The following KLHL12 variants were observed in gnomAD, a reference collection of about 807,000 sequenced individuals.
KLHL12 encodes the protein kelch like family member 12.
KLHL12 carries 17 observed loss-of-function variants against 60.8 expected under a neutral mutation model. The ratio of observed to expected loss-of-function variants is 0.28; its 90% CI spans 0.19 to 0.42. The LOEUF is 0.42. Ranked by LOEUF, KLHL12 falls within the 10% of genes least tolerant of loss-of-function variation. The pLI, the probability that KLHL12 is intolerant of heterozygous loss-of-function variation, is 1.00. For missense variants in KLHL12, 468 were observed against 722.3 expected (o/e 0.65, Z 4.04); for synonymous variants, 220 against 250.9 (o/e 0.88, Z 1.16).
chr1:202,922,264 T>C (rs1229735960), intron 2 of KLHL12, among the ~76,000 whole-genome samples: 1 of 135,852 alleles, frequency 7.4e-6, no homozygotes, highest in African/African-American at 2.6e-5. Flanking sequence ...TCTGATATTA[T>C]TACTATCTAA....
chr1:202,912,443 G>C, intron 4 of KLHL12: 4 of 844,438 alleles, frequency 4.7e-6, no homozygotes, highest in South Asian at 3.9e-5. Flanking sequence ...AGGTGGTTTC[G>C]GTTGGCATGA....
chr1:202,906,612 A>G (rs977541128), intron 6 of KLHL12, among the ~76,000 whole-genome samples: 3 of 152,126 alleles, frequency 2.0e-5, no homozygotes, highest in African/African-American at 7.2e-5. Flanking sequence ...TCAACTGTAC[A>G]TGTAAAAATG....
intron 2 of KLHL12, among the ~76,000 whole-genome samples, chr1:202,920,472 G>A (rs1660658157): frequency 7.6e-6 from 1 of 132,196 alleles, no homozygotes. Flanking sequence ...CACCTCCTGG[G>A]TTCATGCCAT....
In KLHL12 at chr1:202,927,130, A is replaced by AGCCTGTGG; in HGVS notation, c.-95_-88dup. ...ACACAGCCGCACCGGGCCCGTCCCC[A>AGCCTGTGG]GCCTGTGGGGATGGAGTGCGGCGCG... On this transcript the variant is annotated 5_prime_UTR_variant, in exon 1 of 12. Transcript: ENST00000367261. 1.0e-6 allele frequency: 1 copy of AGCCTGTGG among 985,332 alleles called. No homozygotes were observed. The highest frequency in any genetic ancestry group is 1.2e-6 in the Non-Finnish European group (1 of 829,954). The allele number at this position is 985,332 out of a possible 1,614,324, so 61.0% of individuals were successfully genotyped here. A position where few individuals can be genotyped will look rare whatever the true frequency, so the allele number is the denominator to read the frequency against.
intron 6 of KLHL12, among the ~76,000 whole-genome samples, chr1:202,900,717 A>G (rs1030912869): frequency 6.6e-6 from 1 of 152,196 alleles, no homozygotes; most frequent in Non-Finnish European, 1.5e-5. Flanking sequence ...TACAAAAATT[A>G]GCCAGGTGTG....
intron 4 of KLHL12, chr1:202,912,079 G>C (rs1186007843): frequency 2.5e-6 from 2 of 795,732 alleles, no homozygotes; most frequent in Admixed American, 3.4e-5. Flanking sequence ...ACCAAAGAGA[G>C]CTGTTTCAAG....
chr1:202,927,661 G>C (rs985014386), upstream of KLHL12, among the ~76,000 whole-genome samples: 14 of 107,206 alleles, frequency 1.3e-4, no homozygotes, highest in Non-Finnish European at 2.3e-4. Context: ...CTGGGCCACA[G>C]AATGAGACCC....
intron 6 of KLHL12, among the ~76,000 whole-genome samples, chr1:202,905,948 G>A (rs1357493862): frequency 3.5e-5 from 5 of 142,828 alleles, no homozygotes; most frequent in Non-Finnish European, 7.5e-5. Flanking sequence ...TGAACTACAG[G>A]TGCCCGCCAC....
Position 202,892,743 on chromosome 1 carries a change from G to A in KLHL12, c.1581-84C>T, listed in dbSNP as rs11806328. On this transcript the variant is annotated intron_variant, in intron 11 of 11. Coordinates refer to ENST00000367261, the MANE Select transcript of KLHL12 (RefSeq NM_021633.4). ...TGTAATCCCAACTATGCAGGAGGCT[G>A]AGGTAAGAGGATTGCTTAAGCCCAG... 3.9e-4 allele frequency: 560 copies of A among 1,442,544 alleles called. 3 individuals are homozygous for A. The African/African-American group carries it at 7.0e-3, about 18-fold the overall frequency. The allele number at this position is 1,442,544 out of a possible 1,614,324, so 89.4% of individuals were successfully genotyped here.
Position 202,911,111 on chromosome 1 carries a change from C to T in KLHL12, c.660G>A (p.Gln220=). Residue 220 remains glutamine (Q), a synonymous_variant, in exon 5 of 12, where the codon CAG becomes CAA. Coordinates refer to ENST00000367261, the MANE Select transcript of KLHL12 (RefSeq NM_021633.4). ...EREESLPNLL[Q]YVRMPLLTPR... The stretch of plus-strand genomic sequence containing the variant: ...GGGTTAGTAGGGGCATCCGCACATA[C>T]TGTAGCAGGTTAGGCAAGGATTCTT... The T allele has an allele frequency of 6.2e-7, 1 of 1,614,144 alleles. No individual in the cohort carries two copies. The highest frequency in any genetic ancestry group is 8.5e-7 in the Non-Finnish European group (1 of 1,180,018).
chr1:202,927,287 C>T (rs1490657235), upstream of KLHL12: 1 of 923,506 alleles, frequency 1.1e-6, no homozygotes, highest in Non-Finnish European at 1.2e-6. Flanking sequence ...GCACCGCCCT[C>T]CCCCCGCTCC....
intron 4 of KLHL12, chr1:202,912,283 A>C: frequency 3.3e-6 from 3 of 906,270 alleles, no homozygotes; most frequent in Non-Finnish European, 5.5e-6. Flanking sequence ...GATGACCATG[A>C]CTCTGTGAAT....
upstream of KLHL12, chr1:202,928,385 G>A: frequency 1.6e-6 from 1 of 619,778 alleles, no homozygotes. Context: ...GATTGGCTGA[G>A]CCTGAGTTCC....
At chr1:202,924,803 G>A (rs1294289146) in intron 2 of KLHL12, among the ~76,000 whole-genome samples, 165 bp downstream of exon 2, 4 of 152,084 alleles carry the variant, frequency 2.6e-5, no homozygotes, top group Non-Finnish European at 5.9e-5. Flanking sequence ...TAAAGATGAG[G>A]AAACTAAGGC....
chr1:202,913,927 C>T (rs1028280042), intron 4 of KLHL12, among the ~76,000 whole-genome samples: 9 of 152,264 alleles, frequency 5.9e-5, no homozygotes, highest in South Asian at 2.1e-4. Flanking sequence ...ACGGGGCTAG[C>T]GGGAGCAAAC....
Position 202,918,347 on chromosome 1 carries a change from C to T in KLHL12, c.391G>A (p.Asp131Asn). 6.2e-7 allele frequency: 1 copy of T among 1,614,156 alleles called. No homozygotes were observed. Among genetic ancestry groups the T allele is most frequent in the South Asian group, 1.1e-5 (1 of 91,082 alleles). The change falls in exon 4 of 12, where the codon GAC becomes AAC. Residue 131 changes from aspartate to asparagine, a missense_variant. Around this residue, in one of 4 missense-constraint regions of KLHL12, gnomAD observed 339 missense variants for 525.0 expected, o/e 0.65. Coordinates refer to ENST00000367261, the MANE Select transcript of KLHL12 (RefSeq NM_021633.4). ...CTAATACCCAGGCAATTAGAAGGGT[C>T]CAACTGACTTTCTAAGAACTCACAG... ...ACCEFLESQL[D>N]PSNCLGIRDF...
chr1:202,899,269 G>A (rs1041485519), intron 6 of KLHL12, among the ~76,000 whole-genome samples: 2 of 152,114 alleles, frequency 1.3e-5, no homozygotes, highest in Non-Finnish European at 2.9e-5. Flanking sequence ...CTGAGATAGC[G>A]CCACTACACT....
In KLHL12 at chr1:202,896,918, T is replaced by C. The variant is rs1557986081; in HGVS notation, c.875A>G (p.Gln292Arg). Residue 292 changes from glutamine to arginine, a missense_variant, in exon 7 of 12, where the codon CAG becomes CGG. Around this residue, in one of 4 missense-constraint regions of KLHL12, gnomAD observed 339 missense variants for 525.0 expected, o/e 0.65. Transcript: ENST00000367261. Reference protein sequence around the residue: ...VLLVVGGFGSQQSPIDVVEKY... With the variant: ...VLLVVGGFGSRQSPIDVVEKY... ...CTCTACCACATCAATGGGAGACTGC[T>C]GGCTTCCAAAGCCCCCAACCACCAA... The C allele has an allele frequency of 1.2e-6, 2 of 1,614,202 alleles. No homozygotes were observed. Among genetic ancestry groups the C allele is most frequent in the Non-Finnish European group, 1.7e-6 (2 of 1,180,036 alleles).
intron 6 of KLHL12, among the ~76,000 whole-genome samples, chr1:202,908,273 C>T (rs112623717): frequency 9.2e-5 from 14 of 152,278 alleles, no homozygotes; most frequent in African/African-American, 3.1e-4. Flanking sequence ...GACATACAGG[C>T]TCAGATAAAT....
Sources: gnomAD v4.1 joint callset for allele counts (sites outside exome capture counted in the v4.1 genomes callset) on GRCh38, gnomAD v4.1.1 for gene constraint, gnomAD v4.1.1 regional missense constraint, MANE v1.5 for transcripts, NCBI Gene and HGNC (gene_info 2026-07-23, HGNC 2026-07-21) for gene names.